DNM1L: variants seen among roughly 807,000 people sequenced by gnomAD.
DNM1L encodes the protein dynamin-1-like protein.
DNM1L carries 33 observed loss-of-function variants against 92.8 expected under a neutral mutation model. The ratio of observed to expected loss-of-function variants is 0.36; its 90% confidence interval spans 0.27 to 0.48. DNM1L has a LOEUF of 0.48. Among genes scored for constraint, DNM1L ranks in the 20% least tolerant of loss-of-function variants. The pLI, the probability that DNM1L is intolerant of heterozygous loss-of-function variation, is 0.99. For synonymous variants in DNM1L, 284 were observed against 305.0 expected (o/e 0.93, Z 0.72); for missense variants, 485 against 888.8 (o/e 0.55, Z 5.78).
chr12:32,707,897 G>C (rs1952987560), intron 3 of DNM1L, among the ~76,000 whole-genome samples: 1 of 151,716 alleles, frequency 6.6e-6, no homozygotes, highest in Non-Finnish European at 1.5e-5. Context: ...GCTGCAGTGA[G>C]CCGTGATTGT....
intron 4 of DNM1L, among the ~76,000 whole-genome samples, chr12:32,709,378 A>G (rs1018131923): frequency 6.6e-6 from 1 of 152,192 alleles, no homozygotes; most frequent in African/African-American, 2.4e-5. Context: ...GAACTCAGCA[A>G]TTGGTGGTAA....
At chr12:32,739,623 CG>C (rs1955142013) in intron 16 of DNM1L, among the ~76,000 whole-genome samples, 2 of 152,258 alleles carry the variant, frequency 1.3e-5, no homozygotes, top group South Asian at 4.1e-4. Context: ...AGTTCAGAGA[CG>C]TAAGTTCATG....
intron 17 of DNM1L, 29 bp downstream of exon 17, chr12:32,740,269 T>TAAG: frequency 2.5e-6 from 4 of 1,614,142 alleles, no homozygotes; most frequent in Non-Finnish European, 3.4e-6. Flanking sequence ...GTTTAGGTAA[T>TAAG]AAGGTAGGTG....
chr12:32,706,148 G>T (rs1952918802), intron 2 of DNM1L: 1 of 297,760 alleles, frequency 3.4e-6, no homozygotes, highest in Admixed American at 5.0e-5. Flanking sequence ...TCTTTGGTAT[G>T]TAGTACTTGC....
chr12:32,743,546 A>T lies in DNM1L; in HGVS notation c.*136A>T. On this transcript the variant is annotated 3_prime_UTR_variant, in exon 20 of 20. Coordinates refer to ENST00000549701, the MANE Select transcript of DNM1L (RefSeq NM_012062.5). ...TCATGTGGAGACTGGCTATAAACTG[A>T]AAAGTGTATTCCAAATTGCAGAACA... is the stretch of plus-strand genomic sequence containing the variant. 2 of 799,534 alleles carry T rather than the reference A, an allele frequency of 2.5e-6. 1 individual carries two copies. The highest frequency in any genetic ancestry group is 3.1e-5 in the South Asian group (2 of 63,538). 49.5% of individuals were successfully genotyped at this position (799,534 alleles called of 1,614,324 possible).
chr12:32,707,250 C>G, intron 2 of DNM1L, 117 bp from the exon 3 acceptor site: 1 of 766,560 alleles, frequency 1.3e-6, no homozygotes, highest in Non-Finnish European at 2.2e-6. Flanking sequence ...TTAACTTGTA[C>G]TTAATGGCAA....
chr12:32,707,478 A>T, intron 3 of DNM1L, 65 bp downstream of exon 3: 1 of 1,175,668 alleles, frequency 8.5e-7, no homozygotes, highest in East Asian at 2.6e-5. Flanking sequence ...AATACTTGAT[A>T]ATTTAGTTTC....
intron 1 of DNM1L, among the ~76,000 whole-genome samples, chr12:32,682,686 A>G (rs1460645976): frequency 6.6e-6 from 1 of 152,196 alleles, no homozygotes; most frequent in Non-Finnish European, 1.5e-5. Context: ...TTGCTTTAAT[A>G]TATCACTTCC....
chr12:32,736,908 G>GA (rs199641698), intron 13 of DNM1L, 197 bp from the exon 14 acceptor site: 8,739 of 491,088 alleles, frequency 0.018, no homozygotes, highest in Middle Eastern at 0.025. Flanking sequence ...TGTGTGGGCA[G>GA]AAAAAAAAAA....
chr12:32,700,050 C>T (rs1361333191), intron 1 of DNM1L, among the ~76,000 whole-genome samples: 1 of 147,498 alleles, frequency 6.8e-6, no homozygotes, highest in Admixed American at 6.7e-5. Context: ...TTGTTAAAAA[C>T]AGCAAAAACC....
Position 32,745,049 on chromosome 12 carries a change from CA to C in DNM1L, c.*1640del, listed in dbSNP as rs760949702. On this transcript the variant is annotated 3_prime_UTR_variant, in exon 20 of 20. Coordinates refer to ENST00000549701, the MANE Select transcript of DNM1L (RefSeq NM_012062.5). ...ATGGCATCAATTTACTAAGGAACAACAGGCTCACCAACTGATGTCAAACATA... is the reference window on the plus strand; with the variant it reads ...ATGGCATCAATTTACTAAGGAACAACGGCTCACCAACTGATGTCAAACATA... The C allele has an allele frequency of 2.0e-6, 1 of 507,080 alleles. No individual in the cohort carries two copies. The highest frequency in any genetic ancestry group is 2.0e-5 in the African/African-American group (1 of 51,150). 31.4% of individuals were successfully genotyped at this position (507,080 alleles called of 1,614,324 possible).
At chr12:32,691,667 C>T (rs1038976745) in intron 1 of DNM1L, among the ~76,000 whole-genome samples, 2 of 152,106 alleles carry the variant, frequency 1.3e-5, no homozygotes, top group African/African-American at 4.8e-5. Context: ...TCTGTTACAA[C>T]CTGTCCTAAA....
Position 32,679,463 on chromosome 12 carries a change from C to G in DNM1L, c.100C>G (p.Gln34Glu). 1 of 1,611,200 alleles carries G rather than the reference C, an allele frequency of 6.2e-7. No homozygotes were observed. Among genetic ancestry groups the G allele is most frequent in the Non-Finnish European group, 8.5e-7 (1 of 1,179,304 alleles). ...QLPQIVVVGT[Q>E]SSGKSSVLES... Reference sequence around the variant, plus strand: ...GCCTCAAATCGTCGTAGTGGGAACGCAGGTGAGAGCAGCAGGCGGCGTTCG... The same window carrying G: ...GCCTCAAATCGTCGTAGTGGGAACGGAGGTGAGAGCAGCAGGCGGCGTTCG... The change falls in exon 1 of 20, where the codon CAG becomes GAG. Residue 34 changes from glutamine (Q) to glutamate (E), a missense_variant and splice_region_variant. Physicochemically the swap from Gln to Glu is conservative, Grantham distance 29. Coordinates refer to ENST00000549701, the MANE Select transcript of DNM1L (RefSeq NM_012062.5).
chr12:32,731,525 A>G lies in DNM1L; in HGVS notation c.1356+14A>G, dbSNP rs1260624004. On this transcript the variant is annotated intron_variant, in intron 11 of 19. Coordinates refer to ENST00000549701, the MANE Select transcript of DNM1L (RefSeq NM_012062.5). This position sits in a 1 kb window ranked among gnomAD's most constrained non-coding sequence, Gnocchi z 5.1. The stretch of plus-strand genomic sequence containing the variant: ...TACAGTACACAGGTAACGGAGAGAA[A>G]TGTAACAGGTTTCACATGAACTAGA... 6.2e-7 allele frequency: 1 copy of G among 1,613,874 alleles called. No homozygotes were observed. Among genetic ancestry groups the G allele is most frequent in the Admixed American group, 1.7e-5 (1 of 60,024 alleles).
At chr12:32,734,541 T>C (rs1954749614) in intron 13 of DNM1L, among the ~76,000 whole-genome samples, 1 of 152,224 alleles carries the variant, frequency 6.6e-6, no homozygotes, top group African/African-American at 2.4e-5. Context: ...ACGTGGTGGC[T>C]CATGCCTGTA....
chr12:32,696,369 TACACACACACACAAACACACAC>T (rs1952449548), intron 1 of DNM1L, among the ~76,000 whole-genome samples: 1 of 113,284 alleles, frequency 8.8e-6, no homozygotes, highest in Non-Finnish European at 1.8e-5. Flanking sequence ...AGACCCTGTC[TACACACACACACAAACACACAC>T]ACACACACAC....
intron 14 of DNM1L, chr12:32,737,624 C>G: frequency 2.1e-6 from 1 of 482,820 alleles, no homozygotes; most frequent in Non-Finnish European, 3.7e-6. Context: ...TATTAAATAC[C>G]AAAAATAAAA....
chr12:32,709,610 A>G (rs1323290967), intron 4 of DNM1L: 1 of 152,250 alleles, frequency 6.6e-6, no homozygotes, highest in Non-Finnish European at 1.5e-5. Context: ...CAAATCACGT[A>G]TGTAATGAAG....
rs1394528303 is a variant in DNM1L, at chr12:32,740,329, A to AACTT, written c.1885-77_1885-74dup. Reference sequence around the variant, plus strand: ...GACAGAAAGAACTAAAAGTCTCAAAAACTTACATAACTTTCAGATGTTAAA... The same window carrying AACTT: ...GACAGAAAGAACTAAAAGTCTCAAAAACTTACTTACATAACTTTCAGATGTTAAA... On this transcript the variant is annotated intron_variant, in intron 17 of 19. Transcript: ENST00000549701. 1.1e-5 allele frequency: 18 copies of AACTT among 1,610,608 alleles called. No homozygotes were observed. The South Asian group carries it at 1.9e-4, about 17-fold the overall frequency.
Sources: allele counts gnomAD v4.1 joint callset (sites outside exome capture counted in the v4.1 genomes callset), GRCh38; gene constraint gnomAD v4.1.1; non-coding constraint Gnocchi (gnomAD v3.1); transcripts MANE v1.5; gene names NCBI Gene and HGNC (gene_info 2026-07-23, HGNC 2026-07-21).